MBNL1: variants seen among roughly 807,000 people sequenced by gnomAD.
MBNL1 encodes the protein muscleblind like splicing regulator 1.
A neutral mutation model predicts 42.2 loss-of-function variants in MBNL1; 8 were observed. The ratio of observed to expected loss-of-function variants is 0.19; its 90% CI spans 0.11 to 0.34. The LOEUF (loss-of-function observed/expected upper bound fraction) is 0.34. Ranked by LOEUF, MBNL1 falls within the 10% of genes least tolerant of loss-of-function variation. The pLI, the probability that MBNL1 is intolerant of heterozygous loss-of-function variation, is 1.00. For synonymous variants in MBNL1, 169 were observed against 173.9 expected (o/e 0.97, Z 0.22); for missense variants, 309 against 495.3 (o/e 0.62, Z 3.57).
chr3:152,318,513 T>G (rs1827182), intron 2 of MBNL1, among the ~76,000 whole-genome samples: 26,253 of 152,210 alleles, frequency 0.17, 2,567 homozygotes, highest in East Asian at 0.32. Flanking sequence ...GTTTATAAAA[T>G]TACTGCAAAT....
rs1749089184 is a variant in MBNL1, at chr3:152,464,137, T to G, written c.*1771T>G. 6.6e-6 allele frequency: 1 copy of G among 152,518 alleles called. No homozygotes were observed. The highest frequency in any genetic ancestry group is 2.1e-4 in the South Asian group (1 of 4,834). The allele number at this position is 152,518 out of a possible 1,614,324, so 9.4% of individuals were successfully genotyped here. A position where few individuals can be genotyped will look rare whatever the true frequency, so the allele number is the denominator to read the frequency against. On this transcript the variant is annotated 3_prime_UTR_variant, in exon 10 of 10. Transcript: ENST00000324210. ...TCTTGTTAAAATGTAGTTTTTCATT[T>G]CCTACATTTATTAGATTTTCATTTT...
At position 152,312,247 on chromosome 3, in the gene MBNL1, A is replaced by G. The variant is rs552043138; in HGVS notation, c.174+11880A>G. Among the ~76,000 whole-genome samples the G allele has an allele frequency of 1.1e-4, 16 of 151,694 alleles. No individual in the cohort carries two copies. In the East Asian group the frequency reaches 1.4e-3, roughly 13 times the overall value. ...CTCAAATATTAGAATTGATCATGTTATTTAAAATACTCCATGGGAAATATA... is the reference window on the plus strand; with the variant it reads ...CTCAAATATTAGAATTGATCATGTTGTTTAAAATACTCCATGGGAAATATA... On this transcript the variant is annotated intron_variant, in intron 2 of 9. Transcript: ENST00000324210.
chr3:152,312,347 A>G lies in MBNL1; in HGVS notation c.174+11980A>G, dbSNP rs374370915. The stretch of plus-strand genomic sequence containing the variant: ...ACTTTCGATACCAATAGCTAGTGTT[A>G]TAAGTGTCCTTTCCTGAAACTCTTG... On this transcript the variant is annotated intron_variant, in intron 2 of 9. Coordinates refer to ENST00000324210, the MANE Select transcript of MBNL1 (RefSeq NM_021038.5). 7.7e-4 allele frequency among the ~76,000 whole-genome samples: 117 copies of G among 152,334 alleles called. No individual in the cohort carries two copies. In the South Asian group the frequency reaches 0.019, roughly 25 times the overall value.
intron 2 of MBNL1, among the ~76,000 whole-genome samples, chr3:152,390,088 T>C (rs1022815205): frequency 2.0e-5 from 3 of 151,928 alleles, no homozygotes; most frequent in Middle Eastern, 6.8e-3. Context: ...CAGGCTGGTC[T>C]CGAACTCCTG....
At chr3:152,442,541 T>C (rs1008970801) in intron 4 of MBNL1, among the ~76,000 whole-genome samples, 12 of 152,226 alleles carry the variant, frequency 7.9e-5, no homozygotes, top group African/African-American at 2.7e-4. Flanking sequence ...TAATTTCTTA[T>C]CCTGTTTTTA....
chr3:152,250,023 C>A (rs1399052529), intron 2 of MBNL1, among the ~76,000 whole-genome samples: 2 of 150,044 alleles, frequency 1.3e-5, no homozygotes, highest in East Asian at 3.9e-4. Context: ...TTACTGTAGC[C>A]TTGTAGTATA....
chr3:152,448,753 A>G (rs1444015470), intron 6 of MBNL1, among the ~76,000 whole-genome samples: 1 of 152,182 alleles, frequency 6.6e-6, no homozygotes, highest in Non-Finnish European at 1.5e-5. Flanking sequence ...ATGTGAATTT[A>G]TTTTTGATTC....
intron 2 of MBNL1, among the ~76,000 whole-genome samples, chr3:152,321,894 T>TTTG (rs747740217): frequency 1.0e-3 from 152 of 152,114 alleles, no homozygotes; most frequent in Non-Finnish European, 1.8e-3. Context: ...ATCCTGAGGT[T>TTTG]TTGTTGTTGT....
intron 2 of MBNL1, among the ~76,000 whole-genome samples, chr3:152,254,022 C>T (rs74699475): frequency 0.011 from 1,733 of 152,212 alleles, 37 homozygotes; most frequent in African/African-American, 0.039. Flanking sequence ...GTTACCTTTA[C>T]ATTTTCTAGT....
intron 4 of MBNL1, among the ~76,000 whole-genome samples, chr3:152,438,362 GAGTC>G (rs2099105878): frequency 6.6e-6 from 1 of 152,202 alleles, no homozygotes; most frequent in Non-Finnish European, 1.5e-5. Flanking sequence ...ATGGATAAAT[GAGTC>G]AGTCAACCAG....
chr3:152,269,579 C>T (rs1277118303), intron 1 of MBNL1: 1 of 448,152 alleles, frequency 2.2e-6, no homozygotes, highest in Non-Finnish European at 4.5e-6. Flanking sequence ...GGTTAATTCT[C>T]TGCTTGCTAC....
intron 2 of MBNL1, among the ~76,000 whole-genome samples, chr3:152,325,102 C>G (rs1268633272): frequency 1.8e-5 from 2 of 109,322 alleles, no homozygotes; most frequent in African/African-American, 7.0e-5. Flanking sequence ...CCCCCGCCCG[C>G]TTTTTTTTCA....
chr3:152,285,560 G>A (rs2051100785), intron 1 of MBNL1, among the ~76,000 whole-genome samples: 1 of 151,144 alleles, frequency 6.6e-6, no homozygotes, highest in South Asian at 2.1e-4. Context: ...TTGAATAATA[G>A]AATGTATAAG....
chr3:152,246,914 T>G (rs1356973569), intron 2 of MBNL1, among the ~76,000 whole-genome samples: 1 of 152,030 alleles, frequency 6.6e-6, no homozygotes. Flanking sequence ...TCTATAGAAA[T>G]AGAAAAGAAT....
intron 2 of MBNL1, among the ~76,000 whole-genome samples, chr3:152,305,775 C>G (rs748764546): frequency 1.3e-5 from 2 of 152,346 alleles, no homozygotes; most frequent in Non-Finnish European, 2.9e-5. Context: ...AAGCTTGATT[C>G]TAGTGAGGAC....
chr3:152,404,899 T>G (rs185668248), intron 2 of MBNL1, among the ~76,000 whole-genome samples: 48 of 152,054 alleles, frequency 3.2e-4, no homozygotes, highest in African/African-American at 1.1e-3. Flanking sequence ...CTTATTGAAG[T>G]AGATAATATG....
At chr3:152,448,853 C>T (rs182590159) in intron 6 of MBNL1, among the ~76,000 whole-genome samples, 108 of 152,092 alleles carry the variant, frequency 7.1e-4, no homozygotes, top group African/African-American at 1.6e-3. Context: ...AAAATAAATA[C>T]GAAGTAACAA....
chr3:152,450,809 T>G (rs2153898385), intron 6 of MBNL1, among the ~76,000 whole-genome samples: 1 of 152,338 alleles, frequency 6.6e-6, no homozygotes, highest in South Asian at 2.1e-4. Flanking sequence ...TCCCAGATAC[T>G]CTAGACATTT....
At chr3:152,459,729 A>G (rs746288171) in intron 9 of MBNL1, among the ~76,000 whole-genome samples, 6 of 152,108 alleles carry the variant, frequency 3.9e-5, no homozygotes, top group Non-Finnish European at 7.4e-5. Flanking sequence ...CTGCCATTGT[A>G]TCATGAAAGC....
Sources: gnomAD v4.1 joint callset for allele counts (sites outside exome capture counted in the v4.1 genomes callset) on GRCh38, gnomAD v4.1.1 for gene constraint, MANE v1.5 for transcripts, NCBI Gene and HGNC (gene_info 2026-07-23, HGNC 2026-07-21) for gene names.